Variants in SGK1 observed in about 807,000 individuals in gnomAD.
SGK1 encodes serum/glucocorticoid regulated kinase 1, also known as serine/threonine-protein kinase Sgk1.
Under a neutral mutation model 64.2 loss-of-function variants are expected in SGK1, and 26 were observed. The ratio of observed to expected loss-of-function variants is 0.40; its 90% CI spans 0.30 to 0.56. SGK1 has a LOEUF of 0.56. SGK1 is among the 20% of genes least tolerant of loss of function. The pLI is 0.38. For missense variants in SGK1, 519 were observed against 645.6 expected, an observed-to-expected ratio of 0.80 and a Z score of 2.12; for synonymous variants, 265 against 239.7, an observed-to-expected ratio of 1.11 and a Z score of -0.98.
chr6:134,192,061 C>A (rs986091508), intron 3 of SGK1, among the ~76,000 whole-genome samples: 1 of 151,746 alleles, frequency 6.6e-6, no homozygotes, highest in Non-Finnish European at 1.5e-5. Flanking sequence ...AATCTCCTGA[C>A]CTCGTGATCC....
At chr6:134,250,819 G>T (rs1253488885) in intron 2 of SGK1, among the ~76,000 whole-genome samples, 1 of 151,980 alleles carries the variant, frequency 6.6e-6, no homozygotes, top group Non-Finnish European at 1.5e-5. Flanking sequence ...TGTTGTTCAG[G>T]CTGCAGTGCA....
intron 2 of SGK1, among the ~76,000 whole-genome samples, chr6:134,238,065 C>T (rs766065888): frequency 8.5e-5 from 13 of 152,050 alleles, no homozygotes; most frequent in African/African-American, 1.2e-4. Context: ...TTCCAGAGTT[C>T]AGAAATTTTT....
At chr6:134,215,490 A>G (rs1280148144) in intron 2 of SGK1, among the ~76,000 whole-genome samples, 1 of 152,068 alleles carries the variant, frequency 6.6e-6, no homozygotes, top group African/African-American at 2.4e-5. Flanking sequence ...GTTTCCAGTT[A>G]ATGGAAAGTT....
At chr6:134,237,299 TACCCACTCTGGCCTCCCA>T (rs1452746291) in intron 2 of SGK1, among the ~76,000 whole-genome samples, 1 of 151,760 alleles carries the variant, frequency 6.6e-6, no homozygotes, top group Non-Finnish European at 1.5e-5. Context: ...CCAGGTGATC[TACCCACTCTGGCCTCCCA>T]ACGTGCTAAG....
intron 3 of SGK1, 105 bp from the exon 4 acceptor site, chr6:134,174,691 C>G: frequency 6.2e-7 from 1 of 1,613,308 alleles, no homozygotes; most frequent in Non-Finnish European, 8.5e-7. Flanking sequence ...TTCCACTTTG[C>G]GTCTCCTGGA....
Position 134,173,313 on chromosome 6 carries a change from G to C in SGK1, c.663C>G (p.Val221=). 1 of 1,613,800 alleles carries C rather than the reference G, an allele frequency of 6.2e-7. No homozygotes were observed. The highest frequency in any genetic ancestry group is 1.3e-5 in the African/African-American group (1 of 74,972). Residue 221 remains valine, a synonymous_variant, in exon 7 of 14, where the codon GTC becomes GTG. Transcript: ENST00000367858. The part of the protein sequence containing the change: ...RHKAEEVFYA[V]KVLQKKAILK... Reference sequence around the variant, plus strand: ...GGATTGCTTTCTTCTGTAAAACTTTGACTGCATAGAACACTTCTTCTGCCT... The same window carrying C: ...GGATTGCTTTCTTCTGTAAAACTTTCACTGCATAGAACACTTCTTCTGCCT...
intron 1 of SGK1, among the ~76,000 whole-genome samples, chr6:134,285,561 G>A (rs1777171870): frequency 6.8e-6 from 1 of 146,850 alleles, no homozygotes; most frequent in Non-Finnish European, 1.5e-5. Flanking sequence ...TTTTCATAAT[G>A]GCCATTCTTG....
intron 2 of SGK1, among the ~76,000 whole-genome samples, chr6:134,232,413 GAGAAAGAAAGAA>G (rs775588688): frequency 0.013 from 600 of 47,716 alleles, 15 homozygotes; most frequent in African/African-American, 0.032. Context: ...AAGAAAGAAA[GAGAAAGAAAGAA>G]AGAAAGAAAG....
chr6:134,302,047 G>A (rs1777466416), intron 1 of SGK1, among the ~76,000 whole-genome samples: 1 of 152,108 alleles, frequency 6.6e-6, no homozygotes, highest in Non-Finnish European at 1.5e-5. Flanking sequence ...TAGTGAATGG[G>A]GAATAATAAA....
At chr6:134,204,487 AAAAG>A (rs1465686337) in intron 3 of SGK1, among the ~76,000 whole-genome samples, 1 of 150,922 alleles carries the variant, frequency 6.6e-6, no homozygotes, top group Non-Finnish European at 1.5e-5. Context: ...AAAAAAAAAA[AAAAG>A]AGTAAGTCTG....
At chr6:134,227,239 A>C (rs138254031) in intron 2 of SGK1, among the ~76,000 whole-genome samples, 1,611 of 152,208 alleles carry the variant, frequency 0.011, 32 homozygotes, top group African/African-American at 0.037. Context: ...GATTCAAGTG[A>C]TTCTCCTGCC....
intron 2 of SGK1, among the ~76,000 whole-genome samples, chr6:134,227,764 A>T (rs915276528): frequency 3.3e-5 from 5 of 152,162 alleles, no homozygotes; most frequent in Non-Finnish European, 7.3e-5. Flanking sequence ...ACTTCATCAC[A>T]TTGACTCCAA....
At position 134,191,016 on chromosome 6, in the gene SGK1, G is replaced by A. The variant is rs545512293; in HGVS notation, c.361+16340C>T. Among the ~76,000 whole-genome samples, 6 of 152,226 alleles carry A rather than the reference G, an allele frequency of 3.9e-5. No individual in the cohort carries two copies. In the South Asian group the frequency reaches 1.2e-3, roughly 32 times the overall value. On this transcript the variant is annotated intron_variant, in intron 3 of 13. Transcript: ENST00000367858. ...TTCGCAGACTGCTTTCTGATTATTT[G>A]TCTCACAAAGAGACTGGGTAAAAGC...
At chr6:134,247,699 G>A (rs1415556689) in intron 2 of SGK1, among the ~76,000 whole-genome samples, 2 of 152,172 alleles carry the variant, frequency 1.3e-5, no homozygotes, top group African/African-American at 2.4e-5. Flanking sequence ...TGAGACCCAT[G>A]AGTCATTGTC....
At chr6:134,262,330 G>C (rs934885241) in intron 1 of SGK1, among the ~76,000 whole-genome samples, 182 bp from the exon 2 acceptor site, 7 of 152,108 alleles carry the variant, frequency 4.6e-5, no homozygotes, top group Non-Finnish European at 8.8e-5. Context: ...CTCTTTCCTA[G>C]AGTATGCATT....
At chr6:134,241,051 T>TC (rs1554223733) in intron 2 of SGK1, among the ~76,000 whole-genome samples, 2 of 27,924 alleles carry the variant, frequency 7.2e-5, no homozygotes, top group Non-Finnish European at 2.2e-4. Flanking sequence ...TTTTTTTCTT[T>TC]TTTTTTTTTT....
intron 1 of SGK1, among the ~76,000 whole-genome samples, chr6:134,310,233 A>C (rs1219420800): frequency 6.6e-6 from 1 of 152,214 alleles, no homozygotes; most frequent in Non-Finnish European, 1.5e-5. Flanking sequence ...GCAGAATTTC[A>C]AGGAACTCAG....
chr6:134,246,190 C>T (rs1382526995), intron 2 of SGK1, among the ~76,000 whole-genome samples: 1 of 151,782 alleles, frequency 6.6e-6, no homozygotes, highest in African/African-American at 2.4e-5. Flanking sequence ...CTCTTGTTGC[C>T]CAGGCTGGAG....
chr6:134,172,650 T>G lies in SGK1; in HGVS notation c.947+12A>C. 6.6e-7 allele frequency: 1 copy of G among 1,524,514 alleles called. No homozygotes were observed. The highest frequency in any genetic ancestry group is 9.1e-7 in the Non-Finnish European group (1 of 1,098,012). The allele number at this position is 1,524,514 out of a possible 1,614,324, so 94.4% of individuals were successfully genotyped here. ...TACCAAAACTGGTAGCCTGAAGAGCTCTCAGGCTTACCTATAAACGATGTT... is the reference window on the plus strand; with the variant it reads ...TACCAAAACTGGTAGCCTGAAGAGCGCTCAGGCTTACCTATAAACGATGTT... On this transcript the variant is annotated intron_variant, in intron 9 of 13. Coordinates refer to ENST00000367858, the MANE Select transcript of SGK1 (RefSeq NM_001143676.3).
Sources: allele counts gnomAD v4.1 joint callset (sites outside exome capture counted in the v4.1 genomes callset), GRCh38; gene constraint gnomAD v4.1.1; transcripts MANE v1.5; gene names NCBI Gene and HGNC (gene_info 2026-07-23, HGNC 2026-07-21).